Variants in ASXL1 observed in about 807,000 individuals in gnomAD.
ASXL1 encodes ASXL transcriptional regulator 1, also known as polycomb group protein ASXL1.
Under a neutral mutation model 89.1 loss-of-function variants are expected in ASXL1, and 65 were observed. The ratio of observed to expected loss-of-function variants is 0.73; its 90% CI spans 0.60 to 0.90. The LOEUF is 0.90. Among genes scored for constraint, ASXL1 ranks in the 40% least tolerant of loss-of-function variants. ASXL1 has a pLI of 0.00. For synonymous variants in ASXL1, 739 were observed against 746.9 expected, an observed-to-expected ratio of 0.99 and a Z score of 0.17; for missense variants, 1,786 against 1,942.9, an observed-to-expected ratio of 0.92 and a Z score of 1.52.
At position 32,428,319 on chromosome 20, in the gene ASXL1, T is replaced by G. The variant is rs756202420; in HGVS notation, c.374-6T>G. The G allele has an allele frequency of 6.2e-6, 10 of 1,614,056 alleles. No homozygotes were observed. In the Admixed American group the frequency reaches 1.7e-4, roughly 27 times the overall value. Reference sequence around the variant, plus strand: ...AGGGACTAACCTTTATTTTCCTCTCTTCCAGTATCTCTTGATGAAACATCT... The same window carrying G: ...AGGGACTAACCTTTATTTTCCTCTCGTCCAGTATCTCTTGATGAAACATCT... On this transcript the variant is annotated splice_polypyrimidine_tract_variant and splice_region_variant and intron_variant, in intron 5 of 12. Transcript: ENST00000375687.
chr20:32,388,905 A>C (rs2048623967), intron 4 of ASXL1, among the ~76,000 whole-genome samples: 1 of 152,174 alleles, frequency 6.6e-6, no homozygotes, highest in Non-Finnish European at 1.5e-5. Flanking sequence ...TAAAATATGT[A>C]TATACAGAGT....
intron 4 of ASXL1, among the ~76,000 whole-genome samples, chr20:32,419,220 T>C (rs2049195970): frequency 2.0e-5 from 3 of 152,156 alleles, no homozygotes; most frequent in African/African-American, 7.2e-5. Context: ...TTTGTTTTTT[T>C]GAGACAGGGT....
chr20:32,433,244 A>G (rs376420513), intron 11 of ASXL1, 40 bp from the exon 12 acceptor site: 10 of 1,613,586 alleles, frequency 6.2e-6, no homozygotes, highest in East Asian at 4.5e-5. Context: ...AGACATGTCC[A>G]CTCTGGCCTG....
In ASXL1 at chr20:32,435,099, G is replaced by C. The variant is rs770674396; in HGVS notation, c.2387G>C (p.Trp796Ser). The change falls in exon 13 of 13, where the codon TGG becomes TCG. Residue 796 changes from tryptophan (W) to serine (S), a missense_variant. This residue lies in a region of ASXL1 where 1,418 missense variants were observed against 1,427.8 expected (regional missense o/e 0.99). Coordinates refer to ENST00000375687, the MANE Select transcript of ASXL1 (RefSeq NM_015338.6). The stretch of plus-strand genomic sequence containing the variant: ...GAATGTGAGTCTGGCACCACTTCCT[G>C]GGAAAGTGATGATGAGGAGCAAGGA... ...RTECESGTTS[W>S]ESDDEEQGPT... is the part of the protein sequence containing the mutation. 1.9e-5 allele frequency: 31 copies of C among 1,613,944 alleles called. No individual in the cohort carries two copies. The Admixed American group carries it at 5.2e-4, about 27-fold the overall frequency.
chr20:32,363,395 A>G (rs193056503), intron 1 of ASXL1, among the ~76,000 whole-genome samples: 1 of 152,320 alleles, frequency 6.6e-6, no homozygotes, highest in Admixed American at 6.5e-5. Context: ...AGTACTGCCC[A>G]TCTTGGCACT....
chr20:32,433,693 C>T lies in ASXL1; in HGVS notation c.1495C>T (p.Arg499Cys), dbSNP rs376089258. 36 of 1,611,422 alleles carry T rather than the reference C, an allele frequency of 2.2e-5. 2 individuals are homozygous for T. Among genetic ancestry groups the T allele is most frequent in the East Asian group, 1.6e-4 (7 of 44,836 alleles). The part of the protein sequence containing the change: ...RIQAEPDNLA[R>C]ASASPDRIPS... ...CCAGGCTGAGCCAGACAACTTGGCA[C>T]GTGCCTCTGCATCTCCAGACAGAAT... Residue 499 changes from arginine to cysteine, a missense_variant, in exon 12 of 13, where the codon CGT becomes TGT. Coordinates refer to ENST00000375687, the MANE Select transcript of ASXL1 (RefSeq NM_015338.6).
In ASXL1 at chr20:32,434,525, T is replaced by C; in HGVS notation, c.1813T>C (p.Cys605Arg). ...PRIIPTTESS[C>R]RGWTGARTLA... ...GATCATCCCCACCACGGAGTCCTCC[T>C]GCCGGGGTTGGACTGGCGCCAGGAC... Residue 605 changes from cysteine to arginine, a missense_variant, in exon 13 of 13, where the codon TGC (cysteine) becomes CGC (arginine). Physicochemically the swap from Cys to Arg is radical, Grantham distance 180. This residue lies in a region of ASXL1 where 1,418 missense variants were observed against 1,427.8 expected (regional missense o/e 0.99). Transcript: ENST00000375687. 6.2e-7 allele frequency: 1 copy of C among 1,614,002 alleles called. No individual in the cohort carries two copies. Among genetic ancestry groups the C allele is most frequent in the Non-Finnish European group, 8.5e-7 (1 of 1,180,030 alleles).
intron 6 of ASXL1, chr20:32,428,637 G>T: frequency 1.3e-5 from 4 of 301,910 alleles, no homozygotes; most frequent in Non-Finnish European, 1.9e-5. Flanking sequence ...CCTTGGCTGA[G>T]TGATTTTGTT....
At chr20:32,423,790 C>G (rs997913646) in intron 4 of ASXL1, among the ~76,000 whole-genome samples, 7 of 152,178 alleles carry the variant, frequency 4.6e-5, no homozygotes, top group Admixed American at 3.3e-4. Context: ...CTCAAGTGAT[C>G]TGCCTGGCTT....
chr20:32,427,963 T>C (rs2011377374), intron 4 of ASXL1, 165 bp from the exon 5 acceptor site: 12 of 949,530 alleles, frequency 1.3e-5, no homozygotes, highest in Non-Finnish European at 1.8e-5. Context: ...CTTAATGATA[T>C]ATTTATGAAA....
In ASXL1 at chr20:32,433,351, G is replaced by C. The variant is rs963466544; in HGVS notation, c.1153G>C (p.Gly385Arg). The change falls in exon 12 of 13, where the codon GGC (glycine) becomes CGC (arginine). Residue 385 changes from glycine (G) to arginine (R), a missense_variant. Gly to Arg is a moderately radical substitution (Grantham distance 125). Around this residue, in one of 3 missense-constraint regions of ASXL1, gnomAD observed 1,418 missense variants for 1,427.8 expected, o/e 0.99. Coordinates refer to ENST00000375687, the MANE Select transcript of ASXL1 (RefSeq NM_015338.6). ...VGQEEAEIKSGLCVPGESVRI... is the reference protein window; with the variant it reads ...VGQEEAEIKSRLCVPGESVRI... ...CCAGGAGGAGGCTGAAATCAAAAGT[G>C]GCTTGTGTGTCCCAGGAGAATCAGT... 2 of 1,614,172 alleles carry C rather than the reference G, an allele frequency of 1.2e-6. No homozygotes were observed. Among genetic ancestry groups the C allele is most frequent in the Non-Finnish European group, 1.7e-6 (2 of 1,180,020 alleles).
intron 4 of ASXL1, among the ~76,000 whole-genome samples, chr20:32,378,484 C>T (rs2048427061): frequency 1.3e-5 from 2 of 152,142 alleles, no homozygotes; most frequent in Admixed American, 1.3e-4. Flanking sequence ...CAGATGCTTG[C>T]ATCAGTGCTT....
At chr20:32,415,883 A>G (rs565236368) in intron 4 of ASXL1, among the ~76,000 whole-genome samples, 2 of 152,180 alleles carry the variant, frequency 1.3e-5, no homozygotes, top group African/African-American at 4.8e-5. Flanking sequence ...ATGTTTATCC[A>G]CAACCCCCAA....
At chr20:32,399,149 T>C (rs1187295141) in intron 4 of ASXL1, among the ~76,000 whole-genome samples, 3 of 151,968 alleles carry the variant, frequency 2.0e-5, no homozygotes, top group South Asian at 4.2e-4. Flanking sequence ...AAGCGGAGTT[T>C]GCAGTTAGCC....
chr20:32,389,325 T>C (rs372003233), intron 4 of ASXL1, among the ~76,000 whole-genome samples: 15 of 152,244 alleles, frequency 9.9e-5, no homozygotes, highest in East Asian at 5.8e-4. Context: ...TATCATCTTA[T>C]GCTATCAACG....
rs559005193 is a variant in ASXL1 at position 32,372,109 on chromosome 20, A to G, written c.252+2986A>G. ...TTTGGCTCTGGGCAGAATTCTTGGC[A>G]TAGTACGTGCTTTATGTGTGAACTG... On this transcript the variant is annotated intron_variant, in intron 4 of 12. Transcript: ENST00000375687. 3.3e-5 allele frequency: 44 copies of G among 1,341,894 alleles called. No individual in the cohort carries two copies. The East Asian group carries it at 8.9e-4, about 27-fold the overall frequency. The allele number at this position is 1,341,894 out of a possible 1,614,324, so 83.1% of individuals were successfully genotyped here.
chr20:32,362,539 G>A (rs1425408681), intron 1 of ASXL1, among the ~76,000 whole-genome samples: 2 of 152,248 alleles, frequency 1.3e-5, no homozygotes, highest in Non-Finnish European at 2.9e-5. Context: ...GGGAGGCTGA[G>A]GCCGGAGAAT....
At chr20:32,390,267 T>TC (rs1475294301) in intron 4 of ASXL1, among the ~76,000 whole-genome samples, 2 of 152,218 alleles carry the variant, frequency 1.3e-5, no homozygotes, top group Non-Finnish European at 2.9e-5. Context: ...GTATGAGTAG[T>TC]CAGAGTATGG....
chr20:32,427,308 A>T (rs2011344186), intron 4 of ASXL1: 1 of 152,486 alleles, frequency 6.6e-6, no homozygotes, highest in African/African-American at 2.4e-5. Flanking sequence ...GATCTTTGGC[A>T]TTTTTTGTTG....
Sources: allele counts gnomAD v4.1 joint callset (sites outside exome capture counted in the v4.1 genomes callset), GRCh38; gene constraint gnomAD v4.1.1; regional missense constraint gnomAD v4.1.1; transcripts MANE v1.5; gene names NCBI Gene and HGNC (gene_info 2026-07-23, HGNC 2026-07-21).